FBXO3: variants seen among roughly 807,000 people sequenced by gnomAD.
The protein encoded by FBXO3 is F-box protein 3.
FBXO3 carries 17 observed loss-of-function variants against 64.8 expected under a neutral mutation model. The ratio of observed to expected loss-of-function variants is 0.26; its 90% CI spans 0.18 to 0.39. The LOEUF (loss-of-function observed/expected upper bound fraction) is 0.39. Ranked by LOEUF, FBXO3 falls within the 10% of genes least tolerant of loss-of-function variation. The pLI, the probability that FBXO3 is intolerant of heterozygous loss-of-function variation, is 1.00. For synonymous variants in FBXO3, 182 were observed against 201.6 expected (o/e 0.90, Z 0.82); for missense variants, 420 against 589.9 (o/e 0.71, Z 2.98).
intron 10 of FBXO3, chr11:33,744,052 A>G (rs923044948): frequency 1.8e-4 from 27 of 152,182 alleles, no homozygotes; most frequent in African/African-American, 6.0e-4. Context: ...AACACTAACA[A>G]CAATAACAGA....
At chr11:33,764,315 A>T (rs1400423143) in intron 3 of FBXO3, among the ~76,000 whole-genome samples, 1 of 152,204 alleles carries the variant, frequency 6.6e-6, no homozygotes, top group Non-Finnish European at 1.5e-5. Context: ...TAACAATCAC[A>T]ATAGTGGTTG....
chr11:33,746,161 T>A (rs1469996535), intron 10 of FBXO3: 2 of 152,938 alleles, frequency 1.3e-5, no homozygotes, highest in South Asian at 4.1e-4. Context: ...ACTTCAGTGA[T>A]GAATCATATC....
Position 33,753,555 on chromosome 11 carries a change from G to C in FBXO3, c.724+900C>G, listed in dbSNP as rs566262288. The C allele has an allele frequency of 5.3e-5, 8 of 152,314 alleles. No individual in the cohort carries two copies. In the East Asian group the frequency reaches 1.5e-3, roughly 29 times the overall value. The allele number at this position is 152,314 out of a possible 1,614,324, so 9.4% of individuals were successfully genotyped here. The stretch of plus-strand genomic sequence containing the variant: ...CAGAGAGTGCTTAACTTAGAAACCA[G>C]AGACCACATGAGTCAGAGTGAGCTG... On this transcript the variant is annotated intron_variant, in intron 6 of 10. Coordinates refer to ENST00000265651, the MANE Select transcript of FBXO3 (RefSeq NM_012175.4).
chr11:33,762,070 G>C (rs183759747), intron 3 of FBXO3, among the ~76,000 whole-genome samples: 1 of 152,176 alleles, frequency 6.6e-6, no homozygotes, highest in Non-Finnish European at 1.5e-5. Flanking sequence ...CATATAATAT[G>C]ATCTAATGGA....
In FBXO3 at chr11:33,774,408, A is replaced by G. The variant is rs1442883593; in HGVS notation, c.90T>C (p.Tyr30=). 1.2e-6 allele frequency: 2 copies of G among 1,605,470 alleles called. No homozygotes were observed. The highest frequency in any genetic ancestry group is 1.7e-6 in the Non-Finnish European group (2 of 1,176,230). Residue 30 remains tyrosine, a synonymous_variant, in exon 1 of 11, where the codon TAT becomes TAC. Coordinates refer to ENST00000265651, the MANE Select transcript of FBXO3 (RefSeq NM_012175.4). ...CGTCCCATTACTTGATTAGATCCCG[A>G]TAGTCCAAAAAGGATAAGATGAGGA... ...PLLLILSFLD[Y]RDLINCCYVS... is the part of the protein sequence containing the mutation.
chr11:33,750,602 G>A lies in FBXO3; in HGVS notation c.869C>T (p.Thr290Ile). ...TTGDITVSVS[T>I]SFLPELSSVH... ...AGAGCTAAGTTCTGGCAGAAACGAT[G>A]TGGAAACTGACACAGTAATATCCCC... The change falls in exon 8 of 11, where the codon ACA becomes ATA. Residue 290 changes from threonine (T) to isoleucine (I), a missense_variant. Coordinates refer to ENST00000265651, the MANE Select transcript of FBXO3 (RefSeq NM_012175.4). The A allele has an allele frequency of 6.2e-7, 1 of 1,613,844 alleles. No homozygotes were observed. The highest frequency in any genetic ancestry group is 8.5e-7 in the Non-Finnish European group (1 of 1,179,796).
intron 3 of FBXO3, among the ~76,000 whole-genome samples, chr11:33,766,004 A>T (rs1204839925): frequency 6.6e-6 from 1 of 152,148 alleles, no homozygotes; most frequent in Non-Finnish European, 1.5e-5. Flanking sequence ...ATAGCAATGC[A>T]AGAATGGACT....
chr11:33,759,204 T>C (rs1243020293), intron 3 of FBXO3, among the ~76,000 whole-genome samples: 1 of 152,054 alleles, frequency 6.6e-6, no homozygotes, highest in African/African-American at 2.4e-5. Flanking sequence ...AAACAAAAAA[T>C]TGGCTTGAAG....
chr11:33,766,074 C>T (rs907850201), intron 3 of FBXO3, among the ~76,000 whole-genome samples: 1 of 152,202 alleles, frequency 6.6e-6, no homozygotes, highest in Non-Finnish European at 1.5e-5. Context: ...CCTGTTTCTT[C>T]ATCCTCAAGA....
chr11:33,765,203 A>G lies in FBXO3; in HGVS notation c.358+3648T>C, dbSNP rs565751401. 2.1e-3 allele frequency among the ~76,000 whole-genome samples: 325 copies of G among 152,330 alleles called. 1 individual carries two copies. Among genetic ancestry groups the G allele is most frequent in the African/African-American group, 7.6e-3 (315 of 41,586 alleles). Reference sequence around the variant, plus strand: ...GTTTTAGTTTTCATAAATGTCCCACAGTGGGATATATAAGGGTAAAGGGTG... The same window carrying G: ...GTTTTAGTTTTCATAAATGTCCCACGGTGGGATATATAAGGGTAAAGGGTG... On this transcript the variant is annotated intron_variant, in intron 3 of 10. Transcript: ENST00000265651.
rs750506426 is a variant in FBXO3, at chr11:33,770,813, C to T, written c.122G>A (p.Arg41Gln). The T allele has an allele frequency of 1.2e-5, 19 of 1,607,270 alleles. No individual in the cohort carries two copies. The highest frequency in any genetic ancestry group is 2.2e-5 in the East Asian group (1 of 44,804). Residue 41 changes from arginine (R) to glutamine (Q), a missense_variant, in exon 2 of 11, where the codon CGA (arginine) becomes CAA (glutamine). Around this residue, in one of 3 missense-constraint regions of FBXO3, gnomAD observed 337 missense variants for 518.4 expected, o/e 0.65. Transcript: ENST00000265651. ...ATGACTTGATAGCTGGCTAAGTCTT[C>T]GACTGACATAACAACAGCTGGCAGT... ...RDLINCCYVSRRLSQLSSHDP... is the reference protein window; with the variant it reads ...RDLINCCYVSQRLSQLSSHDP...
intron 5 of FBXO3, among the ~76,000 whole-genome samples, chr11:33,755,052 A>G (rs758622027): frequency 2.0e-5 from 3 of 151,506 alleles, no homozygotes; most frequent in Non-Finnish European, 4.4e-5. Context: ...GTTTTTTTTC[A>G]GTAGAGGTGG....
intron 5 of FBXO3, 106 bp from the exon 6 acceptor site, chr11:33,754,606 A>G: frequency 1.1e-6 from 1 of 897,524 alleles, no homozygotes; most frequent in Non-Finnish European, 1.7e-6. Flanking sequence ...GATAAAAATA[A>G]AGTTGAGATA....
intron 7 of FBXO3, among the ~76,000 whole-genome samples, 192 bp downstream of exon 7, chr11:33,751,331 T>G (rs1854951400): frequency 6.6e-6 from 1 of 152,202 alleles, no homozygotes; most frequent in Non-Finnish European, 1.5e-5. Context: ...AAATACCAGT[T>G]GTCTAAGCAT....
chr11:33,743,068 T>C lies in FBXO3; in HGVS notation c.1240-984A>G, dbSNP rs565525885. ...TGTGATGTCTCTACATGGTCTCTTC[T>C]GCATGACGGCTTCATGGTAGCTGGA... On this transcript the variant is annotated intron_variant, in intron 10 of 10. Coordinates refer to ENST00000265651, the MANE Select transcript of FBXO3 (RefSeq NM_012175.4). This position sits in a 1 kb window ranked among gnomAD's most constrained non-coding sequence, Gnocchi z 4.6. 6.6e-6 allele frequency: 1 copy of C among 152,358 alleles called. No homozygotes were observed. The highest frequency in any genetic ancestry group is 2.4e-5 in the African/African-American group (1 of 41,564). The allele number at this position is 152,358 out of a possible 1,614,324, so 9.4% of individuals were successfully genotyped here.
At chr11:33,746,742 A>G in intron 10 of FBXO3, 1 of 1,428,570 alleles carries the variant, frequency 7.0e-7, no homozygotes, top group Non-Finnish European at 9.1e-7. Context: ...CACACATTAA[A>G]TTTTCTTTAT....
At position 33,741,976 on chromosome 11, in the gene FBXO3, C is replaced by T. The variant is rs1371772982; in HGVS notation, c.1348G>A (p.Glu450Lys). 6.2e-7 allele frequency: 1 copy of T among 1,613,914 alleles called. No homozygotes were observed. The highest frequency in any genetic ancestry group is 1.3e-5 in the African/African-American group (1 of 75,056). Residue 450 changes from glutamate to lysine, a missense_variant, in exon 11 of 11, where the codon GAA (glutamate) becomes AAA (lysine). Physicochemically the swap from Glu to Lys is moderately conservative, Grantham distance 56. This residue lies in a region of FBXO3 where 57 missense variants were observed against 55.4 expected (regional missense o/e 1.03). Transcript: ENST00000265651. ...ADMDESDEDD[E>K]EERRRRVFDV... ...AAGACTCTCCTCCGTCTCTCCTCTT[C>T]ATCATCTTCATCTGATTCATCCATA...
At chr11:33,750,417 C>T (rs1477147154) in intron 8 of FBXO3, 122 bp downstream of exon 8, 13 of 1,165,684 alleles carry the variant, frequency 1.1e-5, no homozygotes, top group Non-Finnish European at 1.2e-5. Context: ...CCACCTTCCT[C>T]CAAACTTCAG....
At chr11:33,747,436 GA>G (rs1490491274) in intron 9 of FBXO3, 116 bp from the exon 10 acceptor site, 52 of 747,656 alleles carry the variant, frequency 7.0e-5, no homozygotes, top group Middle Eastern at 2.8e-4. Flanking sequence ...TGCACAGTTA[GA>G]AAAAAAAATT....
Sources: allele counts gnomAD v4.1 joint callset (sites outside exome capture counted in the v4.1 genomes callset), GRCh38; gene constraint gnomAD v4.1.1; regional missense constraint gnomAD v4.1.1; non-coding constraint Gnocchi (gnomAD v3.1); transcripts MANE v1.5; gene names NCBI Gene and HGNC (gene_info 2026-07-23, HGNC 2026-07-21).